CDKAL1: variants seen among roughly 807,000 people sequenced by gnomAD.
CDKAL1 encodes the protein CDKAL1 threonylcarbamoyladenosine tRNA methylthiotransferase.
CDKAL1 carries 32 observed loss-of-function variants against 68.2 expected under a neutral mutation model. That is an observed-to-expected ratio of 0.47 (90% CI 0.35 to 0.63). CDKAL1 has a LOEUF of 0.63. Among genes scored for constraint, CDKAL1 ranks in the 30% least tolerant of loss-of-function variants. The pLI, the probability that CDKAL1 is intolerant of heterozygous loss-of-function variation, is 0.00. For synonymous variants in CDKAL1, 234 were observed against 244.3 expected (o/e 0.96, Z 0.39); for missense variants, 606 against 696.7 (o/e 0.87, Z 1.47).
At chr6:20,724,661 T>A (rs1162530039) in intron 5 of CDKAL1, among the ~76,000 whole-genome samples, 1 of 152,172 alleles carries the variant, frequency 6.6e-6, no homozygotes, top group African/African-American at 2.4e-5. Flanking sequence ...ATCATGACCC[T>A]GCATTCCAGC....
intron 12 of CDKAL1, among the ~76,000 whole-genome samples, chr6:21,088,187 C>T (rs1772806065): frequency 6.6e-6 from 1 of 152,116 alleles, no homozygotes; most frequent in African/African-American, 2.4e-5. Flanking sequence ...GACTATACTT[C>T]ATATAAACCT....
intron 9 of CDKAL1, among the ~76,000 whole-genome samples, chr6:20,917,453 A>C (rs1206980186): frequency 6.6e-6 from 1 of 152,208 alleles, no homozygotes; most frequent in Non-Finnish European, 1.5e-5. Context: ...AACAAGTAAA[A>C]GTGTATAATA....
At chr6:20,821,875 G>T (rs554319588) in intron 8 of CDKAL1, among the ~76,000 whole-genome samples, 68 of 152,272 alleles carry the variant, frequency 4.5e-4, no homozygotes, top group African/African-American at 1.6e-3. Context: ...TAAGGCCAAT[G>T]TGCAGTAAAG....
chr6:20,797,249 G>C (rs1394643207), intron 8 of CDKAL1, among the ~76,000 whole-genome samples: 1 of 152,156 alleles, frequency 6.6e-6, no homozygotes, highest in Non-Finnish European at 1.5e-5. Flanking sequence ...TATGCAAATG[G>C]AAACTAAGCA....
intron 10 of CDKAL1, among the ~76,000 whole-genome samples, chr6:20,999,713 T>G (rs1295893108): frequency 4.2e-5 from 5 of 117,912 alleles, no homozygotes; most frequent in Non-Finnish European, 8.1e-5. Context: ...GTTGTAGAGT[T>G]TTTTTCCTGA....
At chr6:20,978,635 C>T (rs1289068220) in intron 10 of CDKAL1, among the ~76,000 whole-genome samples, 1 of 152,156 alleles carries the variant, frequency 6.6e-6, no homozygotes, top group Admixed American at 6.5e-5. Flanking sequence ...TTTTCATACT[C>T]TCTTTGGACT....
intron 14 of CDKAL1, among the ~76,000 whole-genome samples, chr6:21,199,015 G>A (rs1010160270): frequency 3.3e-5 from 5 of 152,324 alleles, no homozygotes; most frequent in Admixed American, 3.3e-4. Flanking sequence ...ATGGGCGTAC[G>A]GAGATTTTCA....
chr6:20,885,520 A>G (rs1400893094), intron 9 of CDKAL1, among the ~76,000 whole-genome samples: 1 of 152,208 alleles, frequency 6.6e-6, no homozygotes, highest in South Asian at 2.1e-4. Context: ...TTGAAAAACA[A>G]CTTAAATATA....
intron 9 of CDKAL1, among the ~76,000 whole-genome samples, chr6:20,860,626 C>T (rs1283837663): frequency 6.6e-6 from 1 of 151,908 alleles, no homozygotes; most frequent in Non-Finnish European, 1.5e-5. Context: ...GAGATCGAGA[C>T]CATCGTGGCC....
intron 8 of CDKAL1, among the ~76,000 whole-genome samples, chr6:20,783,524 A>G (rs1231989207): frequency 6.6e-6 from 1 of 152,136 alleles, no homozygotes; most frequent in Admixed American, 6.5e-5. Context: ...TCTTGACTGC[A>G]GGCCTCCCTG....
intron 12 of CDKAL1, among the ~76,000 whole-genome samples, chr6:21,067,326 G>A (rs1353160119): frequency 6.6e-6 from 1 of 152,156 alleles, no homozygotes; most frequent in East Asian, 1.9e-4. Context: ...GGTTTTTGGG[G>A]ATTTGTTTGT....
chr6:20,697,856 A>T (rs1309614728), intron 5 of CDKAL1, among the ~76,000 whole-genome samples: 2 of 152,126 alleles, frequency 1.3e-5, no homozygotes, highest in South Asian at 4.1e-4. Flanking sequence ...ATCTCCTGGT[A>T]TGGGTTTCTG....
chr6:20,712,298 G>A (rs1245460207), intron 5 of CDKAL1, among the ~76,000 whole-genome samples: 1 of 152,106 alleles, frequency 6.6e-6, no homozygotes, highest in Non-Finnish European at 1.5e-5. Context: ...CAATGGTCAG[G>A]AAAGACTTTT....
intron 13 of CDKAL1, among the ~76,000 whole-genome samples, chr6:21,187,275 T>C (rs1778054193): frequency 6.6e-6 from 1 of 152,228 alleles, no homozygotes; most frequent in Admixed American, 6.5e-5. Flanking sequence ...TTAAATATTA[T>C]GAGGTATGTG....
chr6:20,596,983 C>T (rs1765855925), intron 4 of CDKAL1, among the ~76,000 whole-genome samples: 1 of 152,208 alleles, frequency 6.6e-6, no homozygotes, highest in Non-Finnish European at 1.5e-5. Context: ...CACTGTCTAA[C>T]CAGGCCCGTT....
intron 12 of CDKAL1, among the ~76,000 whole-genome samples, chr6:21,066,864 G>A (rs983816553): frequency 1.3e-5 from 2 of 152,050 alleles, no homozygotes; most frequent in African/African-American, 4.8e-5. Context: ...GGACTCAAGC[G>A]ATCCTCCCAT....
intron 5 of CDKAL1, among the ~76,000 whole-genome samples, chr6:20,654,185 T>G (rs546203212): frequency 1.3e-5 from 2 of 152,326 alleles, no homozygotes; most frequent in East Asian, 3.9e-4. Context: ...GCCCGGCCTT[T>G]GTTGCATTTC....
intron 8 of CDKAL1, among the ~76,000 whole-genome samples, chr6:20,785,096 G>C (rs1449671354): frequency 2.6e-5 from 4 of 151,984 alleles, no homozygotes; most frequent in African/African-American, 9.7e-5. Flanking sequence ...CATTAGAGTA[G>C]AGTGTTGATC....
rs184253137 is a variant in CDKAL1 at position 20,728,982 on chromosome 6, T to G, written c.372-10537T>G. Among the ~76,000 whole-genome samples, 223 of 152,312 alleles carry G rather than the reference T, an allele frequency of 1.5e-3. 1 individual carries two copies. The highest frequency in any genetic ancestry group is 5.0e-3 in the African/African-American group (209 of 41,570). On this transcript the variant is annotated intron_variant, in intron 5 of 15. Transcript: ENST00000274695. ...TATATGAATTAAAGTTTTATAATAA[T>G]AACATATGGCATTTGTGATTAAACA... is the stretch of plus-strand genomic sequence containing the variant.
Sources: gnomAD v4.1 joint callset for allele counts (sites outside exome capture counted in the v4.1 genomes callset) on GRCh38, gnomAD v4.1.1 for gene constraint, MANE v1.5 for transcripts, NCBI Gene and HGNC (gene_info 2026-07-23, HGNC 2026-07-21) for gene names.